Variants in RABGAP1L observed in about 807,000 individuals in gnomAD.
RABGAP1L encodes RAB GTPase activating protein 1 like.
In RABGAP1L, 63 loss-of-function variants were observed where a neutral mutation model predicts 137.7. The observed-to-expected ratio is 0.46, with a 90% CI of 0.37 to 0.56. RABGAP1L has a LOEUF of 0.56. Among genes scored for constraint, RABGAP1L ranks in the 20% least tolerant of loss-of-function variants. The pLI is 0.00. For synonymous variants in RABGAP1L, 431 were observed against 433.7 expected (o/e 0.99, Z 0.08); for missense variants, 1,095 against 1,244.0 (o/e 0.88, Z 1.80).
chr1:174,680,149 A>G (rs778542247), intron 14 of RABGAP1L, among the ~76,000 whole-genome samples: 63 of 152,362 alleles, frequency 4.1e-4, no homozygotes, highest in Non-Finnish European at 6.9e-4. Context: ...CTGGGAAAAC[A>G]TATTTGTAAT....
At chr1:174,447,467 C>CTATTTGA (rs1173966424) in intron 13 of RABGAP1L, among the ~76,000 whole-genome samples, 7 of 151,930 alleles carry the variant, frequency 4.6e-5, no homozygotes, top group Non-Finnish European at 8.8e-5. Flanking sequence ...AATTTGACCC[C>CTATTTGA]CCAACATCAA....
At chr1:174,680,564 C>T (rs752847130) in intron 14 of RABGAP1L, among the ~76,000 whole-genome samples, 22 of 152,070 alleles carry the variant, frequency 1.4e-4, no homozygotes, top group Admixed American at 1.3e-4. Flanking sequence ...GTATACAGAG[C>T]ATATACAGAA....
intron 24 of RABGAP1L, among the ~76,000 whole-genome samples, chr1:174,985,466 C>T (rs1671513246): frequency 6.6e-6 from 1 of 152,148 alleles, no homozygotes; most frequent in South Asian, 2.1e-4. Flanking sequence ...TTCATTTGAT[C>T]AAGGTTACAC....
chr1:174,565,421 G>T (rs1361793822), intron 13 of RABGAP1L, among the ~76,000 whole-genome samples: 1 of 152,032 alleles, frequency 6.6e-6, no homozygotes. Flanking sequence ...TAACTTCATT[G>T]CAGTATTCTC....
At chr1:174,441,006 T>C (rs1654068599) in intron 13 of RABGAP1L, among the ~76,000 whole-genome samples, 1 of 151,770 alleles carries the variant, frequency 6.6e-6, no homozygotes, top group Admixed American at 6.6e-5. Context: ...TTGAATTGAC[T>C]GGATGTTTTA....
At position 174,552,027 on chromosome 1, in the gene RABGAP1L, A is replaced by G. The variant is rs1483998103; in HGVS notation, c.1711-85348A>G. Among the ~76,000 whole-genome samples, 4 of 152,148 alleles carry G rather than the reference A, an allele frequency of 2.6e-5. No homozygotes were observed. The South Asian group carries it at 8.3e-4, about 31-fold the overall frequency. ...CTATTTAACCATTGAAGAAATTAAAAGCTCCTGAAAAAGAAATCACCGTGT... is the reference window on the plus strand; with the variant it reads ...CTATTTAACCATTGAAGAAATTAAAGGCTCCTGAAAAAGAAATCACCGTGT... On this transcript the variant is annotated intron_variant, in intron 13 of 25. Coordinates refer to ENST00000681986, the MANE Select transcript of RABGAP1L (RefSeq NM_001366446.1).
At chr1:174,481,771 C>G (rs1018391690) in intron 13 of RABGAP1L, among the ~76,000 whole-genome samples, 1 of 151,574 alleles carries the variant, frequency 6.6e-6, no homozygotes, top group Non-Finnish European at 1.5e-5. Flanking sequence ...ATCCCCATGT[C>G]TTATTCTTTG....
chr1:174,771,236 T>C (rs1247378344), intron 18 of RABGAP1L, among the ~76,000 whole-genome samples: 1 of 152,214 alleles, frequency 6.6e-6, no homozygotes, highest in African/African-American at 2.4e-5. Flanking sequence ...TTTAATCAAA[T>C]CATCTAACCT....
chr1:174,209,987 C>T (rs1020169483), intron 1 of RABGAP1L, among the ~76,000 whole-genome samples: 4 of 152,208 alleles, frequency 2.6e-5, no homozygotes, highest in African/African-American at 4.8e-5. Flanking sequence ...AGATCTCTTA[C>T]GCAAGACCGT....
At chr1:174,500,311 CT>C (rs1208590022) in intron 13 of RABGAP1L, among the ~76,000 whole-genome samples, 5 of 152,072 alleles carry the variant, frequency 3.3e-5, no homozygotes, top group Non-Finnish European at 7.4e-5. Flanking sequence ...AACTTCTGAC[CT>C]CAGGTAATCC....
In RABGAP1L at chr1:174,976,285, A is replaced by G. The variant is rs950697269; in HGVS notation, c.2649+103A>G. The G allele has an allele frequency of 3.1e-6, 3 of 972,018 alleles. No homozygotes were observed. In the Admixed American group the frequency reaches 7.2e-5, roughly 23 times the overall value. The allele number at this position is 972,018 out of a possible 1,614,324, so 60.2% of individuals were successfully genotyped here. ...TTAAATTTCTTCTAAATCAAAGGTGATGTTAAAGCAGTAATGTAAGTAGTT... is the reference window on the plus strand; with the variant it reads ...TTAAATTTCTTCTAAATCAAAGGTGGTGTTAAAGCAGTAATGTAAGTAGTT... On this transcript the variant is annotated intron_variant, in intron 22 of 25. Transcript: ENST00000681986.
chr1:174,394,177 T>C (rs1647530895), intron 13 of RABGAP1L, 32 bp downstream of exon 13: 4 of 1,598,754 alleles, frequency 2.5e-6, no homozygotes, highest in African/African-American at 1.3e-5. Context: ...ATTATTTTCA[T>C]TGGATGACCT....
At chr1:174,416,181 C>T (rs1001451333) in intron 13 of RABGAP1L, among the ~76,000 whole-genome samples, 15 of 151,814 alleles carry the variant, frequency 9.9e-5, no homozygotes, top group African/African-American at 3.1e-4. Flanking sequence ...AAAGATTATG[C>T]TTAACTATTA....
chr1:174,830,327 G>T (rs1272223774), intron 19 of RABGAP1L, among the ~76,000 whole-genome samples: 2 of 147,410 alleles, frequency 1.4e-5, no homozygotes, highest in African/African-American at 4.9e-5. Flanking sequence ...TGAAAGTCTG[G>T]TGTGGAAAGG....
At position 174,279,332 on chromosome 1, in the gene RABGAP1L, A is replaced by T. The variant is rs117815304; in HGVS notation, c.1323+553A>T. ...AGATAAAATATGTAACTTTTGTATT[A>T]TAGCAAAGGAAGCAGATAATAATGA... On this transcript the variant is annotated intron_variant, in intron 10 of 25. Transcript: ENST00000681986. 6.2e-4 allele frequency among the ~76,000 whole-genome samples: 94 copies of T among 152,308 alleles called. No homozygotes were observed. The East Asian group carries it at 0.016, about 27-fold the overall frequency.
intron 6 of RABGAP1L, among the ~76,000 whole-genome samples, chr1:174,251,493 C>G (rs769099084): frequency 1.3e-5 from 2 of 151,966 alleles, no homozygotes; most frequent in African/African-American, 2.4e-5. Flanking sequence ...TAGTTGCTAG[C>G]TAGGTATTTT....
At chr1:174,387,986 G>C (rs1481089823) in intron 12 of RABGAP1L, among the ~76,000 whole-genome samples, 1 of 151,902 alleles carries the variant, frequency 6.6e-6, no homozygotes, top group East Asian at 1.9e-4. Flanking sequence ...TTTTATACGA[G>C]GATTGTCAAA....
chr1:174,654,482 A>G (rs1245881393), intron 14 of RABGAP1L, among the ~76,000 whole-genome samples: 1 of 152,190 alleles, frequency 6.6e-6, no homozygotes, highest in Non-Finnish European at 1.5e-5. Flanking sequence ...GCAAGGCTAT[A>G]GCTTTTCTTC....
chr1:174,285,416 T>G (rs1314394300), intron 10 of RABGAP1L, among the ~76,000 whole-genome samples: 2 of 152,096 alleles, frequency 1.3e-5, no homozygotes, highest in African/African-American at 4.8e-5. Context: ...ATGGGATTTT[T>G]TTTACATTTA....
Sources: allele counts gnomAD v4.1 joint callset (sites outside exome capture counted in the v4.1 genomes callset), GRCh38; gene constraint gnomAD v4.1.1; transcripts MANE v1.5; gene names NCBI Gene and HGNC (gene_info 2026-07-23, HGNC 2026-07-21).